The following PALD1 variants were observed in gnomAD, a reference collection of about 807,000 sequenced individuals.
PALD1 encodes phosphatase domain containing paladin 1.
PALD1 carries 57 observed loss-of-function variants against 96.0 expected under a neutral mutation model. The ratio of observed to expected loss-of-function variants is 0.59; its 90% CI spans 0.48 to 0.74. The LOEUF (loss-of-function observed/expected upper bound fraction) is 0.74, where lower values mean the gene tolerates loss of function less well. Among genes scored for constraint, PALD1 ranks in the 30% least tolerant of loss-of-function variants. The pLI, the probability that PALD1 is intolerant of heterozygous loss-of-function variation, is 0.00. For synonymous variants in PALD1, 464 were observed against 473.6 expected (o/e 0.98, Z 0.26); for missense variants, 1,063 against 1,143.7 (o/e 0.93, Z 1.02).
chr10:70,472,884 T>C, the PALD1 span, among the ~76,000 whole-genome samples: 3 of 152,220 alleles, frequency 2.0e-5, no homozygotes, highest in African/African-American at 7.2e-5. Flanking sequence ...ACTCCTATTA[T>C]GAACTTCCTC....
chr10:70,546,042 G>T (rs1847355021), intron 17 of PALD1, among the ~76,000 whole-genome samples: 2 of 149,368 alleles, frequency 1.3e-5, no homozygotes, highest in Admixed American at 6.8e-5. Flanking sequence ...TTCAAGACCA[G>T]CCTGGCCAAC....
At chr10:70,478,067 C>G (rs1845857158), upstream of PALD1, among the ~76,000 whole-genome samples, 1 of 135,288 alleles carries the variant, frequency 7.4e-6, no homozygotes, top group South Asian at 2.7e-4. Flanking sequence ...GCCTATGGTG[C>G]GGGTCACTGC....
intron 1 of PALD1, among the ~76,000 whole-genome samples, chr10:70,511,843 A>G (rs1023896304): frequency 6.6e-6 from 1 of 152,220 alleles, no homozygotes; most frequent in Non-Finnish European, 1.5e-5. Context: ...CCTGGCCAAC[A>G]TGGTGAAACC....
Position 70,525,995 on chromosome 10 carries a change from G to C in PALD1, c.44G>C (p.Gly15Ala), listed in dbSNP as rs199832625. Residue 15 changes from glycine (G) to alanine (A), a missense_variant, in exon 2 of 20, where the codon GGC (glycine) becomes GCC (alanine). By Grantham distance (60) the Gly-to-Ala change is moderately conservative. Transcript: ENST00000263563. Reference protein sequence around the residue: ...ASTAQQTVSAGTPFEGLQGSG... With the variant: ...ASTAQQTVSAATPFEGLQGSG... ...ACAGCCCAGCAGACGGTCTCGGCAG[G>C]CACCCCATTTGAGGGCCTACAGGGC... 1.9e-6 allele frequency: 3 copies of C among 1,614,206 alleles called. No individual in the cohort carries two copies. The highest frequency in any genetic ancestry group is 2.2e-5 in the South Asian group (2 of 91,088).
chr10:70,547,666 G>A (rs1564707386), intron 18 of PALD1, among the ~76,000 whole-genome samples: 1 of 152,304 alleles, frequency 6.6e-6, no homozygotes, highest in South Asian at 2.1e-4. Context: ...TGGAGTGGTA[G>A]GGGAGATGCA....
At chr10:70,502,125 C>T (rs1846311636) in intron 1 of PALD1, among the ~76,000 whole-genome samples, 1 of 152,186 alleles carries the variant, frequency 6.6e-6, no homozygotes, top group Middle Eastern at 3.4e-3. Flanking sequence ...ATAGTGAGAC[C>T]CTCATCTCTA....
chr10:70,541,352 G>C, intron 16 of PALD1, 110 bp downstream of exon 16: 1 of 1,521,982 alleles, frequency 6.6e-7, no homozygotes, highest in Non-Finnish European at 9.0e-7. Flanking sequence ...AGACAGCCGG[G>C]TGTGGTCCCA....
chr10:70,564,754 CA>C (rs1300880760), intron 19 of PALD1, among the ~76,000 whole-genome samples: 2 of 152,210 alleles, frequency 1.3e-5, no homozygotes, highest in African/African-American at 4.8e-5. Context: ...GATGAATGAA[CA>C]AATGAATGAG....
intron 9 of PALD1, 100 bp downstream of exon 9, chr10:70,534,624 CCT>C: frequency 2.6e-6 from 3 of 1,146,794 alleles, no homozygotes; most frequent in Non-Finnish European, 3.9e-6. Flanking sequence ...CCCTCCCCTA[CCT>C]CTCTGCCAAT....
At chr10:70,502,302 G>A (rs1030511580) in intron 1 of PALD1, among the ~76,000 whole-genome samples, 1 of 152,150 alleles carries the variant, frequency 6.6e-6, no homozygotes, top group Non-Finnish European at 1.5e-5. Flanking sequence ...TCCATGTCCT[G>A]TTAAGGATGT....
rs372226361 is a variant in PALD1 at position 70,533,052 on chromosome 10, C to T, written c.852C>T (p.Ala284=). Residue 284 remains alanine, a synonymous_variant, in exon 7 of 20, where the codon GCC becomes GCT. Transcript: ENST00000263563. The stretch of plus-strand genomic sequence containing the variant: ...GTCCCCTGGAGGCCCAGTTGGACGC[C>T]TTTGTCAGTGTTCTCCGGGTAACTG... The part of the protein sequence containing the change: ...QGSPLEAQLD[A]FVSVLRETPS... 1.9e-6 allele frequency: 3 copies of T among 1,582,862 alleles called. No individual in the cohort carries two copies. The highest frequency in any genetic ancestry group is 2.7e-5 in the African/African-American group (2 of 74,298).
chr10:70,541,183 G>A lies in PALD1; in HGVS notation c.1990G>A (p.Gly664Ser), dbSNP rs1233709446. 4 of 1,613,956 alleles carry A rather than the reference G, an allele frequency of 2.5e-6. No individual in the cohort carries two copies. The highest frequency in any genetic ancestry group is 1.1e-5 in the South Asian group (1 of 91,052). The change falls in exon 16 of 20, where the codon GGC becomes AGC. Residue 664 changes from glycine (G) to serine (S), a missense_variant. Transcript: ENST00000263563. Reference protein sequence around the residue: ...GTGFVFSCLSGQGRTTTAMVV... With the variant: ...GTGFVFSCLSSQGRTTTAMVV... ...TGGCTTCGTGTTCAGCTGCCTCAGC[G>A]GCCAGGGCCGTACCACAACTGCGAT...
At chr10:70,527,229 T>C (rs181470553) in intron 2 of PALD1, among the ~76,000 whole-genome samples, 10 of 152,302 alleles carry the variant, frequency 6.6e-5, no homozygotes, top group Admixed American at 3.9e-4. Flanking sequence ...CTTATCAACA[T>C]AAGCAGAGAT....
intron 2 of PALD1, among the ~76,000 whole-genome samples, chr10:70,527,528 A>T (rs117802189): frequency 1.3e-5 from 2 of 152,208 alleles, no homozygotes; most frequent in South Asian, 4.1e-4. Flanking sequence ...TAGGGCCTCA[A>T]TGGCAGAATT....
Position 70,508,819 on chromosome 10 carries a change from GCAGGCC to G in PALD1, c.-29-17103_-29-17098del, listed in dbSNP as rs1490682258. Among the ~76,000 whole-genome samples the G allele has an allele frequency of 3.8e-3, 229 of 59,866 alleles. 1 individual carries two copies. The highest frequency in any genetic ancestry group is 4.7e-3 in the Non-Finnish European group (131 of 27,950). The allele number at this position is 59,866 out of a possible 152,430, so 39.3% of individuals were successfully genotyped here. On this transcript the variant is annotated intron_variant, in intron 1 of 19. Coordinates refer to ENST00000263563, the MANE Select transcript of PALD1 (RefSeq NM_014431.3). Reference sequence around the variant, plus strand: ...TGTGTGTGTGTGTGTGTGTGTGTGTGCAGGCCTGTGGGAGCTGCGGAACCTGTGTGT... The same window carrying G: ...TGTGTGTGTGTGTGTGTGTGTGTGTGTGTGGGAGCTGCGGAACCTGTGTGT...
chr10:70,506,279 G>A (rs1417324535), intron 1 of PALD1, among the ~76,000 whole-genome samples: 1 of 152,206 alleles, frequency 6.6e-6, no homozygotes, highest in Non-Finnish European at 1.5e-5. Flanking sequence ...TTTTGGGGCT[G>A]CTGCCTTGTT....
the PALD1 span, among the ~76,000 whole-genome samples, chr10:70,459,525 G>A: frequency 6.6e-6 from 1 of 152,172 alleles, no homozygotes; most frequent in Non-Finnish European, 1.5e-5. Context: ...GGGGGTTGCT[G>A]GGGCTGGGCA....
intron 1 of PALD1, among the ~76,000 whole-genome samples, chr10:70,517,882 T>A (rs1846650222): frequency 6.6e-6 from 1 of 152,140 alleles, no homozygotes; most frequent in Admixed American, 6.6e-5. Flanking sequence ...ATCTGTAGTC[T>A]GCTCCTTTTT....
At chr10:70,462,633 C>T in the PALD1 span, among the ~76,000 whole-genome samples, 2 of 152,250 alleles carry the variant, frequency 1.3e-5, no homozygotes, top group Non-Finnish European at 2.9e-5. Flanking sequence ...CCAGCTGTGG[C>T]GTGAGCTGGC....
Sources: allele counts gnomAD v4.1 joint callset (sites outside exome capture counted in the v4.1 genomes callset), GRCh38; gene constraint gnomAD v4.1.1; transcripts MANE v1.5; gene names NCBI Gene and HGNC (gene_info 2026-07-23, HGNC 2026-07-21).